MAMDC2: variants seen among roughly 807,000 people sequenced by gnomAD.
MAMDC2 encodes MAM domain containing 2.
MAMDC2 carries 57 observed loss-of-function variants against 89.8 expected under a neutral mutation model. That is an observed-to-expected ratio of 0.63 (90% CI 0.51 to 0.79). The LOEUF is 0.79. MAMDC2 is among the 30% of genes least tolerant of loss of function. MAMDC2 has a pLI of 0.00. For missense variants in MAMDC2, 800 were observed against 820.6 expected, an observed-to-expected ratio of 0.97 and a Z score of 0.31; for synonymous variants, 313 against 293.4, an observed-to-expected ratio of 1.07 and a Z score of -0.68.
At chr9:70,170,881 T>C (rs1250824989) in intron 11 of MAMDC2, 2 of 392,026 alleles carry the variant, frequency 5.1e-6, no homozygotes, top group Admixed American at 4.5e-5. Context: ...ACACAAAGAA[T>C]AGAAGTAAGT....
At chr9:70,095,557 C>T (rs1015847186) in intron 2 of MAMDC2, among the ~76,000 whole-genome samples, 38 of 152,112 alleles carry the variant, frequency 2.5e-4, no homozygotes, top group Non-Finnish European at 1.8e-4. Flanking sequence ...GGGTTCCATT[C>T]TCTCAGATTT....
chr9:70,055,722 G>C (rs1373892645), intron 2 of MAMDC2, among the ~76,000 whole-genome samples: 1 of 152,164 alleles, frequency 6.6e-6, no homozygotes. Flanking sequence ...TAACAGATTA[G>C]AGTTTGCTCT....
chr9:70,218,467 T>G lies in MAMDC2; in HGVS notation c.1782T>G (p.Thr594=). 10 of 1,614,206 alleles carry G rather than the reference T, an allele frequency of 6.2e-6. No individual in the cohort carries two copies. Among genetic ancestry groups the G allele is most frequent in the Non-Finnish European group, 8.5e-6 (10 of 1,180,028 alleles). The change falls in exon 12 of 14, where the codon ACT becomes ACG. Residue 594 remains threonine (T), a synonymous_variant. Transcript: ENST00000377182. The part of the protein sequence containing the change: ...TFFYHMYGGG[T]GLLSVYLKKE... Reference sequence around the variant, plus strand: ...TCTACCACATGTATGGAGGGGGCACTGGCCTGCTGAGTGTTTATCTGAAAA... The same window carrying G: ...TCTACCACATGTATGGAGGGGGCACGGGCCTGCTGAGTGTTTATCTGAAAA...
chr9:70,215,060 G>T (rs79443596), intron 11 of MAMDC2, among the ~76,000 whole-genome samples: 10,482 of 152,222 alleles, frequency 0.069, 576 homozygotes, highest in East Asian at 0.22. Flanking sequence ...GATCATCAAG[G>T]AAGTAAGAAT....
intron 11 of MAMDC2, among the ~76,000 whole-genome samples, chr9:70,209,686 G>A (rs2033309660): frequency 6.6e-6 from 1 of 152,106 alleles, no homozygotes; most frequent in Non-Finnish European, 1.5e-5. Flanking sequence ...GCTTTTGAAT[G>A]TGTTTGCTCT....
At chr9:70,223,817 G>A (rs1163091881) in intron 12 of MAMDC2, among the ~76,000 whole-genome samples, 1 of 152,146 alleles carries the variant, frequency 6.6e-6, no homozygotes, top group Non-Finnish European at 1.5e-5. Flanking sequence ...GTCTTAAAGT[G>A]CAAAGATAAG....
chr9:70,132,163 T>C (rs1284273832), intron 7 of MAMDC2, among the ~76,000 whole-genome samples: 1 of 152,218 alleles, frequency 6.6e-6, no homozygotes, highest in African/African-American at 2.4e-5. Context: ...TATTTTATCA[T>C]GATCAGTTTT....
In MAMDC2 at chr9:70,093,054, C is replaced by A. The variant is rs1017914190; in HGVS notation, c.149-15157C>A. Among the ~76,000 whole-genome samples, 6 of 152,128 alleles carry A rather than the reference C, an allele frequency of 3.9e-5. No individual in the cohort carries two copies. The East Asian group carries it at 1.2e-3, about 29-fold the overall frequency. On this transcript the variant is annotated intron_variant, in intron 2 of 13. Coordinates refer to ENST00000377182, the MANE Select transcript of MAMDC2 (RefSeq NM_153267.5). ...AAGCAAATATGTATGTGTACCCATACATACATACACACATATGTATATATG... is the reference window on the plus strand; with the variant it reads ...AAGCAAATATGTATGTGTACCCATAAATACATACACACATATGTATATATG...
chr9:70,225,055 G>T lies in MAMDC2; in HGVS notation c.1912-695G>T, dbSNP rs2033621850. Among the ~76,000 whole-genome samples the T allele has an allele frequency of 2.0e-5, 3 of 152,006 alleles. No homozygotes were observed. In the Middle Eastern group the frequency reaches 0.01, roughly 517 times the overall value. Reference sequence around the variant, plus strand: ...TTCTGAACAACTTTCATTACCCATGGGCCTCCCTGGACTATTCAGTAATTT... The same window carrying T: ...TTCTGAACAACTTTCATTACCCATGTGCCTCCCTGGACTATTCAGTAATTT... On this transcript the variant is annotated intron_variant, in intron 12 of 13. Transcript: ENST00000377182.
intron 9 of MAMDC2, among the ~76,000 whole-genome samples, chr9:70,158,770 A>G (rs376039379): frequency 6.6e-6 from 1 of 152,146 alleles, no homozygotes; most frequent in African/African-American, 2.4e-5. Context: ...TAGATGGTAT[A>G]GCCTACTACA....
At chr9:70,159,524 T>C (rs2031890988) in intron 9 of MAMDC2, among the ~76,000 whole-genome samples, 1 of 152,202 alleles carries the variant, frequency 6.6e-6, no homozygotes, top group Non-Finnish European at 1.5e-5. Context: ...AAAGTCAGCA[T>C]TCTTATTAGC....
At chr9:70,217,720 C>A in intron 11 of MAMDC2, 1 of 1,324,604 alleles carries the variant, frequency 7.5e-7, no homozygotes. Context: ...AAAAAAATTA[C>A]AGAGTATGTT....
intron 6 of MAMDC2, among the ~76,000 whole-genome samples, chr9:70,128,869 C>A (rs1354606902): frequency 6.6e-6 from 1 of 152,134 alleles, no homozygotes; most frequent in African/African-American, 2.4e-5. Flanking sequence ...GTTGCCCAGG[C>A]TGGTCTCAAA....
chr9:70,160,091 A>G (rs570957054), intron 9 of MAMDC2, among the ~76,000 whole-genome samples: 94 of 152,246 alleles, frequency 6.2e-4, no homozygotes, highest in African/African-American at 2.1e-3. Context: ...GCATGCTTGT[A>G]ATCCCAGCTA....
chr9:70,130,397 T>A (rs546304933), intron 6 of MAMDC2, among the ~76,000 whole-genome samples: 2 of 152,288 alleles, frequency 1.3e-5, no homozygotes, highest in South Asian at 4.1e-4. Context: ...CTGGACTTTG[T>A]AGGCACTGAA....
chr9:70,166,195 C>T (rs117271329), intron 9 of MAMDC2, among the ~76,000 whole-genome samples: 10,366 of 150,806 alleles, frequency 0.069, 565 homozygotes, highest in East Asian at 0.22. Context: ...GAGCTGAGAT[C>T]GCATCATTGC....
intron 2 of MAMDC2, among the ~76,000 whole-genome samples, chr9:70,047,675 C>A (rs1238171116): frequency 2.6e-5 from 4 of 152,160 alleles, no homozygotes; most frequent in African/African-American, 9.7e-5. Flanking sequence ...GTGCCAGATG[C>A]ACTTCTTATA....
chr9:70,210,769 C>T (rs566111895), intron 11 of MAMDC2, among the ~76,000 whole-genome samples: 42 of 149,412 alleles, frequency 2.8e-4, no homozygotes, highest in East Asian at 8.0e-4. Flanking sequence ...TGGCTGGTAC[C>T]GGTTGTTCCT....
chr9:70,121,590 T>C (rs1167950932), intron 5 of MAMDC2, among the ~76,000 whole-genome samples: 1 of 152,146 alleles, frequency 6.6e-6, no homozygotes, highest in Non-Finnish European at 1.5e-5. Context: ...TCAGTTCAAG[T>C]TGTAATACTT....
Sources: gnomAD v4.1 joint callset for allele counts (sites outside exome capture counted in the v4.1 genomes callset) on GRCh38, gnomAD v4.1.1 for gene constraint, MANE v1.5 for transcripts, NCBI Gene and HGNC (gene_info 2026-07-23, HGNC 2026-07-21) for gene names.